EPS8: variants seen among roughly 807,000 people sequenced by gnomAD.
EPS8 encodes epidermal growth factor receptor kinase substrate 8.
EPS8 carries 42 observed loss-of-function variants against 103.8 expected under a neutral mutation model. That is an observed-to-expected ratio of 0.40 (90% CI 0.32 to 0.52). The LOEUF (loss-of-function observed/expected upper bound fraction) is 0.52. Ranked by LOEUF, EPS8 falls within the 20% of genes least tolerant of loss-of-function variation. The pLI is 0.40. For synonymous variants in EPS8, 344 were observed against 344.6 expected, an observed-to-expected ratio of 1.00 and a Z score of 0.02; for missense variants, 969 against 1,005.1, an observed-to-expected ratio of 0.96 and a Z score of 0.49.
chr12:15,665,137 T>G (rs1433810945), intron 8 of EPS8: 1 of 152,160 alleles, frequency 6.6e-6, no homozygotes, highest in Non-Finnish European at 1.5e-5. Flanking sequence ...GGAAAGAATG[T>G]TAAGTGCAAT....
At position 15,688,402 on chromosome 12, in the gene EPS8, C is replaced by G. The variant is rs1946124697; in HGVS notation, c.-21-5430G>C. The stretch of plus-strand genomic sequence containing the variant: ...GAAGGCGGGGTCACTGGTTAGGGCT[C>G]CACCCCCATGGACCTAGATGAGGAC... On this transcript the variant is annotated intron_variant, in intron 1 of 20. Transcript: ENST00000281172. The surrounding 1 kb of genome is among the most constrained non-coding windows in gnomAD (Gnocchi z 5.1). Among the ~76,000 whole-genome samples the G allele has an allele frequency of 6.6e-6, 1 of 152,088 alleles. No homozygotes were observed. The highest frequency in any genetic ancestry group is 1.5e-5 in the Non-Finnish European group (1 of 68,016).
intron 13 of EPS8, among the ~76,000 whole-genome samples, chr12:15,652,729 T>A (rs573117282): frequency 6.6e-6 from 1 of 152,096 alleles, no homozygotes; most frequent in Non-Finnish European, 1.5e-5. Flanking sequence ...AAGCAACAAC[T>A]GCAATGCTTT....
At chr12:15,763,855 C>A (rs766536766) in intron 1 of EPS8, among the ~76,000 whole-genome samples, 2 of 152,154 alleles carry the variant, frequency 1.3e-5, no homozygotes, top group Non-Finnish European at 2.9e-5. Context: ...TGTCCCCATA[C>A]TTTTTTACAA....
intron 3 of EPS8, among the ~76,000 whole-genome samples, chr12:15,677,469 T>A (rs1945928434): frequency 6.6e-6 from 1 of 152,140 alleles, no homozygotes; most frequent in Non-Finnish European, 1.5e-5. Flanking sequence ...GTATCTAGAC[T>A]GTGGTCAGTG....
At position 15,696,577 on chromosome 12, in the gene EPS8, G is replaced by T. The variant is rs1251953584; in HGVS notation, c.-21-13605C>A. ...AATTGCTTGAACCCAGGAGGCGGAG[G>T]TTGCAGTGAGCCAAGATCGCACCAT... On this transcript the variant is annotated intron_variant, in intron 1 of 20. Transcript: ENST00000281172. This position sits in a 1 kb window ranked among gnomAD's most constrained non-coding sequence, Gnocchi z 4.8. Among the ~76,000 whole-genome samples, 2 of 152,028 alleles carry T rather than the reference G, an allele frequency of 1.3e-5. No homozygotes were observed. Among genetic ancestry groups the T allele is most frequent in the Non-Finnish European group, 2.9e-5 (2 of 67,996 alleles).
chr12:15,758,185 G>A lies in EPS8; in HGVS notation c.-22+30976C>T, dbSNP rs185759541. The stretch of plus-strand genomic sequence containing the variant: ...TCACATGCCCTTGTCCACATCCAAG[G>A]AGAGCAAAGACCCCACCTCTCAGCT... On this transcript the variant is annotated intron_variant, in intron 1 of 20. Transcript: ENST00000281172. Among the ~76,000 whole-genome samples, 3 of 152,290 alleles carry A rather than the reference G, an allele frequency of 2.0e-5. No individual in the cohort carries two copies. The East Asian group carries it at 5.8e-4, about 29-fold the overall frequency.
chr12:15,624,626 CA>C (rs758283465), intron 18 of EPS8, among the ~76,000 whole-genome samples: 1 of 152,182 alleles, frequency 6.6e-6, no homozygotes, highest in African/African-American at 2.4e-5. Context: ...ACTCCTTTGG[CA>C]AAACCCCAAT....
Position 15,784,518 on chromosome 12 carries a change from G to A in EPS8, c.-22+4643C>T, listed in dbSNP as rs908237796. Among the ~76,000 whole-genome samples the A allele has an allele frequency of 1.3e-5, 2 of 152,250 alleles. No individual in the cohort carries two copies. Among genetic ancestry groups the A allele is most frequent in the South Asian group, 2.1e-4 (1 of 4,830 alleles). ...TGCTAGCAAAGATGTGGGGCAATAA[G>A]AACTCACATTCATTGCTGGTGAGAA... On this transcript the variant is annotated intron_variant, in intron 1 of 20. Coordinates refer to ENST00000281172, the MANE Select transcript of EPS8 (RefSeq NM_004447.6). This position sits in a 1 kb window ranked among gnomAD's most constrained non-coding sequence, Gnocchi z 4.0.
intron 1 of EPS8, among the ~76,000 whole-genome samples, chr12:15,726,092 A>G (rs571955748): frequency 6.6e-6 from 1 of 152,280 alleles, no homozygotes; most frequent in South Asian, 2.1e-4. Context: ...GAAAGATTTA[A>G]GGAAGCAAAA....
In EPS8 at chr12:15,621,412, C is replaced by T. The variant is rs147627051; in HGVS notation, c.2374G>A (p.Glu792Lys). The T allele has an allele frequency of 6.3e-7, 1 of 1,599,862 alleles. No individual in the cohort carries two copies. The highest frequency in any genetic ancestry group is 8.5e-7 in the Non-Finnish European group (1 of 1,172,440). Reference sequence around the variant, plus strand: ...CGTCTTCTCATAATTTCTTGTAACTCGGAGCTGCCACTGCTATCCTGAAAG... The same window carrying T: ...CGTCTTCTCATAATTTCTTGTAACTTGGAGCTGCCACTGCTATCCTGAAAG... Reference protein sequence around the residue: ...AALEDSSGSSELQEIMRRRQE... With the variant: ...AALEDSSGSSKLQEIMRRRQE... Residue 792 changes from glutamate to lysine, a missense_variant, in exon 21 of 21, where the codon GAG becomes AAG. Physicochemically the swap from Glu to Lys is moderately conservative, Grantham distance 56. Coordinates refer to ENST00000281172, the MANE Select transcript of EPS8 (RefSeq NM_004447.6).
chr12:15,672,202 G>A (rs1017790312), intron 3 of EPS8, among the ~76,000 whole-genome samples: 5 of 151,982 alleles, frequency 3.3e-5, no homozygotes, highest in African/African-American at 1.2e-4. Flanking sequence ...AGCTGAGCAA[G>A]TACAAAAATA....
intron 7 of EPS8, among the ~76,000 whole-genome samples, chr12:15,666,206 T>C (rs1355168773): frequency 6.6e-6 from 1 of 152,208 alleles, no homozygotes; most frequent in African/African-American, 2.4e-5. Flanking sequence ...TCATCTTTCA[T>C]GACTCTGTGA....
At position 15,716,542 on chromosome 12, in the gene EPS8, G is replaced by GA. The variant is rs1442494659; in HGVS notation, c.-21-33571dup. 6.6e-6 allele frequency among the ~76,000 whole-genome samples: 1 copy of GA among 152,156 alleles called. No homozygotes were observed. The highest frequency in any genetic ancestry group is 1.5e-5 in the Non-Finnish European group (1 of 68,032). ...TTTTCTATGATAGGGCAGTTTACCA[G>GA]AAGTAGTCACAGGAAATATTATATA... On this transcript the variant is annotated intron_variant, in intron 1 of 20. Transcript: ENST00000281172. This position sits in a 1 kb window ranked among gnomAD's most constrained non-coding sequence, Gnocchi z 5.0.
intron 1 of EPS8, among the ~76,000 whole-genome samples, chr12:15,708,258 C>T (rs1286415976): frequency 6.6e-6 from 1 of 152,182 alleles, no homozygotes; most frequent in Non-Finnish European, 1.5e-5. Flanking sequence ...GCCTCACTTT[C>T]CTCATCTGTA....
rs967518963 is a variant in EPS8, at chr12:15,654,308, C to T, written c.1102-15G>A. ...GCCTGCACCACCTAAGATAATAAAC[C>T]ATTTTTTAGCAAGAAGATTACTATT... is the stretch of plus-strand genomic sequence containing the variant. On this transcript the variant is annotated splice_polypyrimidine_tract_variant and intron_variant, in intron 12 of 20. Coordinates refer to ENST00000281172, the MANE Select transcript of EPS8 (RefSeq NM_004447.6). 6.2e-7 allele frequency: 1 copy of T among 1,609,052 alleles called. No individual in the cohort carries two copies. Among genetic ancestry groups the T allele is most frequent in the East Asian group, 2.2e-5 (1 of 44,846 alleles).
Position 15,738,680 on chromosome 12 carries a change from CATTT to C in EPS8, c.-22+50477_-22+50480del, listed in dbSNP as rs1216319543. Among the ~76,000 whole-genome samples, 3 of 151,972 alleles carry C rather than the reference CATTT, an allele frequency of 2.0e-5. No homozygotes were observed. Among genetic ancestry groups the C allele is most frequent in the Admixed American group, 1.3e-4 (2 of 15,264 alleles). On this transcript the variant is annotated intron_variant, in intron 1 of 20. Transcript: ENST00000281172. This position sits in a 1 kb window ranked among gnomAD's most constrained non-coding sequence, Gnocchi z 6.2. ...CACTTGTGTTGTATTTAATATCAGT[CATTT>C]GTTTGCATATTTGTCTCATAGTTGG... is the stretch of plus-strand genomic sequence containing the variant.
At position 15,663,794 on chromosome 12, in the gene EPS8, C is replaced by T. The variant is rs192342398; in HGVS notation, c.737-1695G>A. Among the ~76,000 whole-genome samples the T allele has an allele frequency of 6.0e-5, 9 of 150,776 alleles. No individual in the cohort carries two copies. In the South Asian group the frequency reaches 6.3e-4, roughly 11 times the overall value. The stretch of plus-strand genomic sequence containing the variant: ...AAAATTAGCCAGGTATGGTGGCACA[C>T]GCCTGTAATCCCAGCTACTTGGGAG... On this transcript the variant is annotated intron_variant, in intron 8 of 20. Transcript: ENST00000281172.
intron 17 of EPS8, 56 bp downstream of exon 17, chr12:15,640,647 G>A: frequency 6.6e-7 from 1 of 1,504,228 alleles, no homozygotes; most frequent in Non-Finnish European, 9.2e-7. Flanking sequence ...TCCTACTTAA[G>A]AGTGATAACT....
chr12:15,694,392 A>G (rs943876662), intron 1 of EPS8, among the ~76,000 whole-genome samples: 1 of 152,214 alleles, frequency 6.6e-6, no homozygotes, highest in Non-Finnish European at 1.5e-5. Context: ...AATCCCAGAG[A>G]AAAAACAATA....
Sources: gnomAD v4.1 joint callset for allele counts (sites outside exome capture counted in the v4.1 genomes callset) on GRCh38, gnomAD v4.1.1 for gene constraint, Gnocchi (gnomAD v3.1) non-coding constraint, MANE v1.5 for transcripts, NCBI Gene and HGNC (gene_info 2026-07-23, HGNC 2026-07-21) for gene names.